ADAMTSL3: variants seen among roughly 807,000 people sequenced by gnomAD.
The protein encoded by ADAMTSL3 is ADAMTS-like protein 3.
A neutral mutation model predicts 201.7 loss-of-function variants in ADAMTSL3; 128 were observed. The observed-to-expected ratio is 0.63, with a 90% CI of 0.55 to 0.73. The LOEUF (loss-of-function observed/expected upper bound fraction) is 0.73, where lower values mean the gene tolerates loss of function less well. Ranked by LOEUF, ADAMTSL3 falls within the 30% of genes least tolerant of loss-of-function variation. ADAMTSL3 has a pLI of 0.00. For synonymous variants in ADAMTSL3, 738 were observed against 748.4 expected, an observed-to-expected ratio of 0.99 and a Z score of 0.23; for missense variants, 1,990 against 2,119.6, an observed-to-expected ratio of 0.94 and a Z score of 1.20.
At position 84,014,614 on chromosome 15, in the gene ADAMTSL3, A is replaced by T; in HGVS notation, c.4046A>T (p.Asn1349Ile). The change falls in exon 24 of 30, where the codon AAT (asparagine) becomes ATT (isoleucine). Residue 1349 changes from asparagine (N) to isoleucine (I), a missense_variant. Transcript: ENST00000286744. The part of the protein sequence containing the change: ...SLSGNVSLLF[N>I]GSLLLQNVSL... Reference sequence around the variant, plus strand: ...AGTGGCAATGTTTCCTTGCTTTTCAATGGATCCCTGTTGTTGCAGAATGTT... The same window carrying T: ...AGTGGCAATGTTTCCTTGCTTTTCATTGGATCCCTGTTGTTGCAGAATGTT... 1.2e-6 allele frequency: 2 copies of T among 1,613,998 alleles called. No homozygotes were observed. Among genetic ancestry groups the T allele is most frequent in the Non-Finnish European group, 1.7e-6 (2 of 1,179,960 alleles).
At chr15:83,660,610 AATCACTGGTCCAGCC>A (rs2061149552) in intron 2 of ADAMTSL3, among the ~76,000 whole-genome samples, 1 of 152,184 alleles carries the variant, frequency 6.6e-6, no homozygotes, top group Admixed American at 6.5e-5. Context: ...ATATGGAGCC[AATCACTGGTCCAGCC>A]ATGCCTTGTG....
At chr15:83,894,910 A>T (rs2065582204) in intron 13 of ADAMTSL3, among the ~76,000 whole-genome samples, 1 of 152,206 alleles carries the variant, frequency 6.6e-6, no homozygotes, top group African/African-American at 2.4e-5. Context: ...CATCGTGTAC[A>T]TGCATTAATA....
chr15:83,780,169 G>C (rs2063143988), intron 4 of ADAMTSL3, among the ~76,000 whole-genome samples: 1 of 152,120 alleles, frequency 6.6e-6, no homozygotes, highest in Non-Finnish European at 1.5e-5. Context: ...TAGAGCTTTG[G>C]GAGGCTGAGG....
intron 4 of ADAMTSL3, among the ~76,000 whole-genome samples, chr15:83,802,686 G>A (rs2063543196): frequency 6.6e-6 from 1 of 152,210 alleles, no homozygotes; most frequent in Non-Finnish European, 1.5e-5. Flanking sequence ...GCCAGGAGCT[G>A]AGGGTGGGGG....
chr15:84,002,045 T>A (rs1276173996), intron 23 of ADAMTSL3, among the ~76,000 whole-genome samples: 1 of 152,234 alleles, frequency 6.6e-6, no homozygotes, highest in Non-Finnish European at 1.5e-5. Flanking sequence ...AATTATCTGC[T>A]CTTTAAAGAT....
intron 3 of ADAMTSL3, among the ~76,000 whole-genome samples, chr15:83,711,375 G>A (rs1278318154): frequency 6.6e-6 from 1 of 152,186 alleles, no homozygotes; most frequent in Admixed American, 6.5e-5. Flanking sequence ...CATAGCCCAT[G>A]GGTCTACTGG....
chr15:83,938,216 G>A (rs1209237688), intron 17 of ADAMTSL3, among the ~76,000 whole-genome samples: 1 of 147,874 alleles, frequency 6.8e-6, no homozygotes, highest in Admixed American at 6.7e-5. Context: ...AATGATTTTG[G>A]TTAAGTCTAG....
intron 6 of ADAMTSL3, among the ~76,000 whole-genome samples, chr15:83,830,814 C>G (rs928314797): frequency 6.6e-6 from 1 of 152,104 alleles, no homozygotes; most frequent in Admixed American, 6.5e-5. Flanking sequence ...TTGGGCTTGT[C>G]TTTAGAAAGA....
chr15:83,665,327 T>C (rs943161231), intron 2 of ADAMTSL3, among the ~76,000 whole-genome samples: 3 of 151,498 alleles, frequency 2.0e-5, no homozygotes, highest in Admixed American at 2.0e-4. Flanking sequence ...TTTGAAGGAG[T>C]AGTTTGGGGG....
rs1596480294 is a variant in ADAMTSL3, at chr15:83,970,552, T to G, written c.2559T>G (p.Gly853=). Residue 853 remains glycine, a synonymous_variant, in exon 20 of 30, where the codon GGT becomes GGG. Coordinates refer to ENST00000286744, the MANE Select transcript of ADAMTSL3 (RefSeq NM_207517.3). ...TGTGTCAAAGGCTGGCAGCCAAAGGTCGGCGCATCCCCCTCAGTGAGATGA... is the reference window on the plus strand; with the variant it reads ...TGTGTCAAAGGCTGGCAGCCAAAGGGCGGCGCATCCCCCTCAGTGAGATGA... The part of the protein sequence containing the change: ...KQVCQRLAAK[G]RRIPLSEMMC... 2 of 1,614,192 alleles carry G rather than the reference T, an allele frequency of 1.2e-6. No individual in the cohort carries two copies. Among genetic ancestry groups the G allele is most frequent in the Non-Finnish European group, 1.7e-6 (2 of 1,180,032 alleles).
At chr15:83,794,977 C>T (rs1567149708) in intron 4 of ADAMTSL3, among the ~76,000 whole-genome samples, 1 of 151,970 alleles carries the variant, frequency 6.6e-6, no homozygotes, top group South Asian at 2.1e-4. Context: ...CTCAGCCTCC[C>T]AAGTAGCTGG....
chr15:83,704,317 C>A, intron 2 of ADAMTSL3, 72 bp from the exon 3 acceptor site: 2 of 1,601,050 alleles, frequency 1.2e-6, no homozygotes, highest in Non-Finnish European at 1.7e-6. Context: ...CCTGGAATGG[C>A]CTTCTTGGAC....
chr15:83,822,958 G>A lies in ADAMTSL3; in HGVS notation c.600+2911G>A, dbSNP rs374358832. ...CTGCAATCCCGGCACCTCGGGAGGC[G>A]GAGGCTGGCGGATCACTCGCGGTTA... On this transcript the variant is annotated intron_variant, in intron 6 of 29. Coordinates refer to ENST00000286744, the MANE Select transcript of ADAMTSL3 (RefSeq NM_207517.3). 3.7e-4 allele frequency among the ~76,000 whole-genome samples: 57 copies of A among 152,054 alleles called. No homozygotes were observed. In the East Asian group the frequency reaches 9.8e-3, roughly 26 times the overall value.
intron 9 of ADAMTSL3, among the ~76,000 whole-genome samples, chr15:83,872,682 C>CTTTCTCAGGAAATGCCTGTGAGAAAAAAG (rs1555455106): frequency 2.1e-5 from 3 of 145,384 alleles, no homozygotes; most frequent in African/African-American, 5.2e-5. Flanking sequence ...CTTCTCAAGT[C>CTTTCTCAGGAAATGCCTGTGAGAAAAAAG]AACTTGGAGG....
intron 21 of ADAMTSL3, among the ~76,000 whole-genome samples, chr15:83,983,705 C>A (rs1218431734): frequency 1.3e-5 from 2 of 152,152 alleles, no homozygotes; most frequent in Non-Finnish European, 2.9e-5. Context: ...GTTGGAACTG[C>A]AAATCAGAAT....
chr15:83,851,526 C>A (rs952707207), intron 7 of ADAMTSL3, among the ~76,000 whole-genome samples: 4 of 152,134 alleles, frequency 2.6e-5, no homozygotes, highest in African/African-American at 9.7e-5. Flanking sequence ...AGAGCCCAAC[C>A]AATATGCCCA....
At chr15:83,671,008 T>G (rs2061322980) in intron 2 of ADAMTSL3, among the ~76,000 whole-genome samples, 1 of 152,238 alleles carries the variant, frequency 6.6e-6, no homozygotes, top group Non-Finnish European at 1.5e-5. Context: ...ATCATCCTTG[T>G]GTTCCTGGCA....
chr15:83,968,135 T>C (rs1199355338), intron 19 of ADAMTSL3, among the ~76,000 whole-genome samples: 1 of 152,190 alleles, frequency 6.6e-6, no homozygotes, highest in Non-Finnish European at 1.5e-5. Context: ...AAAGACTTCA[T>C]GACTAAAATA....
rs527765970 is a variant in ADAMTSL3, at chr15:83,843,365, T to C, written c.727+5150T>C. 2.4e-4 allele frequency among the ~76,000 whole-genome samples: 36 copies of C among 152,268 alleles called. No homozygotes were observed. The Middle Eastern group carries it at 0.014, about 58-fold the overall frequency. ...CATCCCACAGGATGCTGGCATGTTA[T>C]CAGGTTCCGTATGCATGCGCTTGAG... On this transcript the variant is annotated intron_variant, in intron 7 of 29. Transcript: ENST00000286744.
Sources: gnomAD v4.1 joint callset for allele counts (sites outside exome capture counted in the v4.1 genomes callset) on GRCh38, gnomAD v4.1.1 for gene constraint, MANE v1.5 for transcripts, NCBI Gene and HGNC (gene_info 2026-07-23, HGNC 2026-07-21) for gene names.